Variants in BLTP1 observed in about 807,000 individuals in gnomAD.
BLTP1 encodes the protein bridge-like lipid transfer protein family member 1.
chr4:122,177,406 A>G, the BLTP1 span, among the ~76,000 whole-genome samples: 4 of 152,206 alleles, frequency 2.6e-5, no homozygotes, highest in Non-Finnish European at 4.4e-5. Flanking sequence ...TTGTTCCTCA[A>G]CCTGCTCTTA....
At chr4:122,226,300 C>A in the BLTP1 span, 1 of 643,752 alleles carries the variant, frequency 1.6e-6, no homozygotes, top group Non-Finnish European at 1.9e-6. Flanking sequence ...AAAACTGTAG[C>A]TCAATGTGAT....
At chr4:122,319,707 A>AT in the BLTP1 span, among the ~76,000 whole-genome samples, 11 of 151,580 alleles carry the variant, frequency 7.3e-5, no homozygotes, top group East Asian at 1.9e-3. Flanking sequence ...TACCTGGCTA[A>AT]TTTTTGTATT....
chr4:122,327,895 T>C, the BLTP1 span: 24,722 of 279,426 alleles, frequency 0.088, 2,195 homozygotes, highest in East Asian at 0.34. Flanking sequence ...TTCTGATTTT[T>C]AGTATGTCAG....
the BLTP1 span, chr4:122,334,554 G>A: frequency 3.4e-5 from 55 of 1,611,570 alleles, no homozygotes; most frequent in Middle Eastern, 5.0e-4. Flanking sequence ...AGGTATTTAA[G>A]GAGTATATAC....
At chr4:122,158,628 G>A in the BLTP1 span, among the ~76,000 whole-genome samples, 2 of 152,022 alleles carry the variant, frequency 1.3e-5, no homozygotes, top group East Asian at 1.9e-4. Flanking sequence ...AAAATTAGCC[G>A]GGCGTGGTGG....
At chr4:122,306,535 A>G in the BLTP1 span, 21 of 982,678 alleles carry the variant, frequency 2.1e-5, no homozygotes, top group Non-Finnish European at 2.4e-5. Context: ...TATGCTTCTT[A>G]GAGGAGAAAC....
chr4:122,300,537 T>G, the BLTP1 span, among the ~76,000 whole-genome samples: 1 of 152,158 alleles, frequency 6.6e-6, no homozygotes, highest in African/African-American at 2.4e-5. Context: ...TCTTCCTATT[T>G]TCTGTTCTAG....
the BLTP1 span, among the ~76,000 whole-genome samples, chr4:122,160,001 CT>C: frequency 6.6e-6 from 1 of 152,182 alleles, no homozygotes; most frequent in African/African-American, 2.4e-5. Context: ...TATACCTAAT[CT>C]ATTTTACCTA....
chr4:122,283,273 A>G, the BLTP1 span, among the ~76,000 whole-genome samples: 1 of 152,192 alleles, frequency 6.6e-6, no homozygotes, highest in Non-Finnish European at 1.5e-5. Flanking sequence ...GTATATAACC[A>G]GTGATCATTG....
chr4:122,217,331 A>G, the BLTP1 span, among the ~76,000 whole-genome samples: 1 of 149,982 alleles, frequency 6.7e-6, no homozygotes, highest in East Asian at 1.9e-4. Context: ...TACTTTTGCT[A>G]TGCAGGTTCT....
At chr4:122,246,793 A>G in the BLTP1 span, 2 of 1,612,948 alleles carry the variant, frequency 1.2e-6, no homozygotes, top group South Asian at 2.2e-5. Flanking sequence ...GAATTGCTAC[A>G]CAGGTTCGCA....
the BLTP1 span, among the ~76,000 whole-genome samples, chr4:122,313,845 G>T: frequency 6.7e-6 from 1 of 148,230 alleles, no homozygotes; most frequent in East Asian, 1.9e-4. Context: ...TTATTAATCA[G>T]ACACCTACTG....
chr4:122,289,137 A>G, the BLTP1 span: 1 of 1,610,952 alleles, frequency 6.2e-7, no homozygotes, highest in Non-Finnish European at 8.5e-7. Context: ...ACCACTTGGT[A>G]TTTGTACAGA....
the BLTP1 span, chr4:122,343,632 C>CT: frequency 6.2e-7 from 1 of 1,607,224 alleles, no homozygotes; most frequent in African/African-American, 1.3e-5. Flanking sequence ...ATGTTTATGT[C>CT]TTTTTCAGAT....
At chr4:122,262,148 T>TTGTGTGTGTGTGTGTG in the BLTP1 span, among the ~76,000 whole-genome samples, 755 of 133,476 alleles carry the variant, frequency 5.7e-3, 7 homozygotes, top group Admixed American at 8.1e-3. Context: ...TACAGATCCT[T>TTGTGTGTGTGTGTGTG]TGTGTGTGTG....
the BLTP1 span, chr4:122,183,049 A>C: frequency 1.0e-6 from 1 of 984,442 alleles, no homozygotes; most frequent in Non-Finnish European, 1.2e-6. Flanking sequence ...AAAGAAAAAA[A>C]GCTGGGTTGG....
chr4:122,188,167 C>T, the BLTP1 span: 3 of 1,274,422 alleles, frequency 2.4e-6, no homozygotes, highest in Admixed American at 1.2e-4. Flanking sequence ...CATCCTTTTA[C>T]TTTTTTTGCT....
At chr4:122,330,381 A>T in the BLTP1 span, among the ~76,000 whole-genome samples, 1 of 151,866 alleles carries the variant, frequency 6.6e-6, no homozygotes, top group African/African-American at 2.4e-5. Context: ...TGTCCTTGCC[A>T]ACACACTTGT....
At chr4:122,269,329 A>T in the BLTP1 span, 2 of 809,900 alleles carry the variant, frequency 2.5e-6, no homozygotes, top group Non-Finnish European at 3.0e-6. Context: ...CCTAGTAAAA[A>T]CCATATAATA....
Sources: allele counts gnomAD v4.1 joint callset (sites outside exome capture counted in the v4.1 genomes callset), GRCh38; gene constraint gnomAD v4.1.1; transcripts MANE v1.5; gene names NCBI Gene and HGNC (gene_info 2026-07-23, HGNC 2026-07-21).